DAB1: variants seen among roughly 807,000 people sequenced by gnomAD.
The protein encoded by DAB1 is DAB adaptor protein 1.
DAB1 carries 15 observed loss-of-function variants against 64.6 expected under a neutral mutation model. The observed-to-expected ratio is 0.23, with a 90% CI of 0.16 to 0.36. DAB1 has a LOEUF of 0.36. Among genes scored for constraint, DAB1 ranks in the 10% least tolerant of loss-of-function variants. DAB1 has a pLI of 1.00. For missense variants in DAB1, 596 were observed against 706.7 expected, an observed-to-expected ratio of 0.84 and a Z score of 1.78; for synonymous variants, 235 against 251.9, an observed-to-expected ratio of 0.93 and a Z score of 0.64.
At chr1:57,924,481 A>C (rs983310234) in intron 5 of DAB1, among the ~76,000 whole-genome samples, 4 of 152,012 alleles carry the variant, frequency 2.6e-5, no homozygotes, top group Non-Finnish European at 4.4e-5. Context: ...TTTATTTTTG[A>C]GACAGTCTCG....
intron 6 of DAB1, among the ~76,000 whole-genome samples, chr1:57,741,497 A>G (rs966285031): frequency 2.0e-5 from 3 of 152,180 alleles, no homozygotes; most frequent in Non-Finnish European, 4.4e-5. Flanking sequence ...CAGCCACTAT[A>G]CCATACTGCC....
chr1:57,750,545 T>C (rs1299554595), intron 6 of DAB1, among the ~76,000 whole-genome samples: 1 of 152,190 alleles, frequency 6.6e-6, no homozygotes, highest in Non-Finnish European at 1.5e-5. Flanking sequence ...AAATAATAAA[T>C]GTTAAAAGGT....
In DAB1 at chr1:57,618,013, TG is replaced by T; in HGVS notation, n.625+31578del. Among the ~76,000 whole-genome samples, 2 of 152,322 alleles carry T rather than the reference TG, an allele frequency of 1.3e-5. 1 individual carries two copies. The highest frequency in any genetic ancestry group is 6.8e-3 in the Middle Eastern group (2 of 294). ...TTAAGAAGACCCACTGAAGGATTTC[TG>T]GACTAGAACAAAAACTCCAGGGAAG... On this transcript the variant is annotated intron_variant and non_coding_transcript_variant, in intron 7 of 20. Transcript: ENST00000485760.
chr1:57,123,245 A>G (rs981280940), intron 4 of DAB1, among the ~76,000 whole-genome samples: 1 of 152,130 alleles, frequency 6.6e-6, no homozygotes, highest in Non-Finnish European at 1.5e-5. Context: ...TGATAGGCCA[A>G]GTCCTAAGAG....
chr1:57,733,465 A>T (rs1251118261), intron 6 of DAB1, among the ~76,000 whole-genome samples: 2 of 152,046 alleles, frequency 1.3e-5, no homozygotes, highest in Non-Finnish European at 1.5e-5. Flanking sequence ...AGAATGAAGC[A>T]AGCACTTAAT....
intron 5 of DAB1, among the ~76,000 whole-genome samples, chr1:58,059,446 A>C (rs1007237342): frequency 7.9e-5 from 12 of 152,252 alleles, no homozygotes; most frequent in Non-Finnish European, 1.2e-4. Context: ...TAACAACTCA[A>C]TAAACATGCT....
intron 7 of DAB1, among the ~76,000 whole-genome samples, chr1:57,516,439 T>A (rs1429618946): frequency 6.6e-6 from 1 of 152,206 alleles, no homozygotes; most frequent in Admixed American, 6.5e-5. Flanking sequence ...GAATGTGTAT[T>A]TACACCCCCA....
chr1:58,170,211 G>C (rs1656086189), intron 4 of DAB1, among the ~76,000 whole-genome samples: 1 of 152,308 alleles, frequency 6.6e-6, no homozygotes, highest in Admixed American at 6.5e-5. Flanking sequence ...ATGGGGACTG[G>C]AGTTGTAAAC....
chr1:58,004,438 G>C (rs745377660), intron 5 of DAB1, among the ~76,000 whole-genome samples: 20 of 152,224 alleles, frequency 1.3e-4, no homozygotes, highest in Non-Finnish European at 2.1e-4. Flanking sequence ...CCATGGGCCA[G>C]AGAAAGGATG....
Position 57,975,716 on chromosome 1 carries a change from C to T in DAB1, n.388-91554G>A, listed in dbSNP as rs975630984. Among the ~76,000 whole-genome samples, 6 of 152,168 alleles carry T rather than the reference C, an allele frequency of 3.9e-5. No individual in the cohort carries two copies. In the East Asian group the frequency reaches 5.8e-4, roughly 15 times the overall value. The stretch of plus-strand genomic sequence containing the variant: ...CACCAGAATCTCTAAGGGTGGGATC[C>T]GATGAAATGTATTATAAAACTTTCT... On this transcript the variant is annotated intron_variant and non_coding_transcript_variant, in intron 5 of 20. Coordinates refer to the DAB1 transcript ENST00000485760.
intron 2 of DAB1, among the ~76,000 whole-genome samples, chr1:58,509,091 A>G (rs1646033468): frequency 6.6e-6 from 1 of 152,174 alleles, no homozygotes; most frequent in Non-Finnish European, 1.5e-5. Flanking sequence ...TCCTGTACAA[A>G]GACAGTCTGT....
chr1:57,426,874 A>ATATATATATTTT (rs57970737), upstream of DAB1, among the ~76,000 whole-genome samples: 184 of 149,276 alleles, frequency 1.2e-3, 1 homozygote, highest in African/African-American at 4.4e-3. Flanking sequence ...ATATATATAT[A>ATATATATATTTT]TTTTTTTGAG....
At chr1:57,000,924 T>A (rs560436998) in intron 14 of DAB1, among the ~76,000 whole-genome samples, 1 of 152,340 alleles carries the variant, frequency 6.6e-6, no homozygotes, top group East Asian at 1.9e-4. Flanking sequence ...TTTCTGCAGC[T>A]GAGATAAATA....
At chr1:57,997,016 G>A (rs1646435726) in intron 5 of DAB1, among the ~76,000 whole-genome samples, 1 of 152,040 alleles carries the variant, frequency 6.6e-6, no homozygotes, top group African/African-American at 2.4e-5. Context: ...TGATGGTCAG[G>A]TAGTTGTTAA....
In DAB1 at chr1:58,424,406, CCAGT is replaced by C. The variant is rs374362091; in HGVS notation, n.258-81007_258-81004del. On this transcript the variant is annotated intron_variant and non_coding_transcript_variant, in intron 3 of 20. Coordinates refer to the DAB1 transcript ENST00000485760. ...ACCAGTTATCTGGGCATCCCATGAC[CCAGT>C]CAAACTGACACATAAAATGAACCAT... 1.8e-3 allele frequency among the ~76,000 whole-genome samples: 279 copies of C among 152,252 alleles called. 7 individuals carry two copies. In the South Asian group the frequency reaches 0.052, roughly 28 times the overall value.
chr1:57,073,969 C>T (rs1392487073), intron 4 of DAB1, among the ~76,000 whole-genome samples: 1 of 152,120 alleles, frequency 6.6e-6, no homozygotes, highest in Non-Finnish European at 1.5e-5. Flanking sequence ...CTTCACCTCC[C>T]GAGCTCAAGT....
chr1:58,283,609 C>T (rs548159087), intron 4 of DAB1, among the ~76,000 whole-genome samples: 3 of 152,288 alleles, frequency 2.0e-5, no homozygotes, highest in African/African-American at 7.2e-5. Flanking sequence ...TTGCGCGAGT[C>T]ACTTTGTCTC....
At chr1:57,524,744 T>A (rs938311353) in intron 7 of DAB1, among the ~76,000 whole-genome samples, 9 of 152,168 alleles carry the variant, frequency 5.9e-5, no homozygotes, top group Non-Finnish European at 1.5e-5. Flanking sequence ...ATGTCATCAG[T>A]TAAGGTTATT....
At chr1:58,170,584 T>C (rs895214875) in intron 4 of DAB1, among the ~76,000 whole-genome samples, 2 of 152,124 alleles carry the variant, frequency 1.3e-5, no homozygotes, top group African/African-American at 4.8e-5. Context: ...CCCCAGCCTT[T>C]GTCATGGCCC....
Sources: allele counts gnomAD v4.1 joint callset (sites outside exome capture counted in the v4.1 genomes callset), GRCh38; gene constraint gnomAD v4.1.1; transcripts MANE v1.5; gene names NCBI Gene and HGNC (gene_info 2026-07-23, HGNC 2026-07-21).